Variants in ABTB3 observed in about 807,000 individuals in gnomAD.
ABTB3 encodes ankyrin repeat and BTB domain containing 3.
At chr12:107,487,588 T>C in the ABTB3 span, among the ~76,000 whole-genome samples, 1 of 152,088 alleles carries the variant, frequency 6.6e-6, no homozygotes, top group Non-Finnish European at 1.5e-5. Flanking sequence ...TGATTCCACT[T>C]AAGGAGGAGT....
the ABTB3 span, among the ~76,000 whole-genome samples, chr12:107,623,952 A>G: frequency 6.6e-6 from 1 of 152,188 alleles, no homozygotes; most frequent in African/African-American, 2.4e-5. Context: ...TGGCATTTGA[A>G]AAACCACCTA....
At chr12:107,388,169 A>G in the ABTB3 span, among the ~76,000 whole-genome samples, 1 of 151,638 alleles carries the variant, frequency 6.6e-6, no homozygotes, top group East Asian at 1.9e-4. Flanking sequence ...ACGATGTTTC[A>G]CCATGTTGCC....
chr12:107,382,680 T>A, the ABTB3 span, among the ~76,000 whole-genome samples: 144 of 151,922 alleles, frequency 9.5e-4, 1 homozygote, highest in African/African-American at 3.3e-3. Flanking sequence ...AAACACTGCA[T>A]GTCCTCACTC....
chr12:107,332,423 C>T, the ABTB3 span, among the ~76,000 whole-genome samples: 8 of 151,984 alleles, frequency 5.3e-5, no homozygotes, highest in African/African-American at 1.4e-4. Context: ...GATGAGGACA[C>T]CTGGGAGAGA....
the ABTB3 span, chr12:107,649,127 C>A: frequency 7.6e-7 from 1 of 1,318,242 alleles, no homozygotes; most frequent in Non-Finnish European, 1.1e-6. Flanking sequence ...AGGAACTAAG[C>A]CTGAGTTGGG....
At chr12:107,646,057 C>A in the ABTB3 span, among the ~76,000 whole-genome samples, 30 of 152,354 alleles carry the variant, frequency 2.0e-4, no homozygotes, top group African/African-American at 6.3e-4. Flanking sequence ...CGGGTCTCCT[C>A]CCCCAAGTCT....
the ABTB3 span, among the ~76,000 whole-genome samples, chr12:107,593,464 G>A: frequency 3.3e-5 from 5 of 152,188 alleles, no homozygotes; most frequent in African/African-American, 1.2e-4. Context: ...TTATGAAGAA[G>A]GCCATCAGTT....
chr12:107,571,170 C>T, the ABTB3 span, among the ~76,000 whole-genome samples: 2 of 152,212 alleles, frequency 1.3e-5, no homozygotes, highest in African/African-American at 4.8e-5. Flanking sequence ...TGAGCATTTA[C>T]TATGTGCTAA....
chr12:107,336,489 G>A, the ABTB3 span, among the ~76,000 whole-genome samples: 2 of 152,264 alleles, frequency 1.3e-5, no homozygotes, highest in South Asian at 4.1e-4. Flanking sequence ...TCCCTTGTAA[G>A]CATGGTAACC....
chr12:107,426,500 C>T, the ABTB3 span, among the ~76,000 whole-genome samples: 1 of 152,100 alleles, frequency 6.6e-6, no homozygotes, highest in Non-Finnish European at 1.5e-5. Context: ...TTCCTGCTCA[C>T]TCAACCCGAC....
the ABTB3 span, among the ~76,000 whole-genome samples, chr12:107,473,357 C>A: frequency 6.6e-6 from 1 of 152,032 alleles, no homozygotes; most frequent in Non-Finnish European, 1.5e-5. Context: ...ATTCATTTCA[C>A]CTACTTTTTT....
chr12:107,502,910 A>C, the ABTB3 span, among the ~76,000 whole-genome samples: 2 of 152,230 alleles, frequency 1.3e-5, no homozygotes, highest in Non-Finnish European at 2.9e-5. Flanking sequence ...CCCTGTTGCT[A>C]AAAAGGCTGG....
chr12:107,501,310 C>T, the ABTB3 span, among the ~76,000 whole-genome samples: 929 of 151,986 alleles, frequency 6.1e-3, 8 homozygotes, highest in African/African-American at 0.021. Flanking sequence ...GGTAGGGATC[C>T]CAACCATTTG....
At chr12:107,516,856 T>C in the ABTB3 span, among the ~76,000 whole-genome samples, 2 of 152,256 alleles carry the variant, frequency 1.3e-5, no homozygotes, top group African/African-American at 4.8e-5. Flanking sequence ...CACTTGTCTA[T>C]TGACACTATT....
the ABTB3 span, among the ~76,000 whole-genome samples, chr12:107,351,442 T>C: frequency 6.6e-6 from 1 of 152,236 alleles, no homozygotes; most frequent in Non-Finnish European, 1.5e-5. Context: ...GATGGAGGAA[T>C]GGCCTGGCTT....
the ABTB3 span, among the ~76,000 whole-genome samples, chr12:107,612,352 G>C: frequency 9.2e-5 from 14 of 152,336 alleles, no homozygotes; most frequent in African/African-American, 2.9e-4. Flanking sequence ...CTGACCAGCA[G>C]CTTTTATAGA....
chr12:107,608,978 A>AAT, the ABTB3 span, among the ~76,000 whole-genome samples: 430 of 115,900 alleles, frequency 3.7e-3, 2 homozygotes, highest in African/African-American at 6.0e-3. Context: ...TATAAAATAA[A>AAT]ATAAAATAAA....
the ABTB3 span, chr12:107,657,766 C>A: frequency 1.9e-6 from 3 of 1,587,354 alleles, no homozygotes; most frequent in Admixed American, 1.7e-5. Context: ...AGTTCTCCTG[C>A]CGCATTGGCT....
the ABTB3 span, among the ~76,000 whole-genome samples, chr12:107,464,206 A>AGTGTGTGTGT: frequency 7.5e-6 from 1 of 133,536 alleles, no homozygotes; most frequent in Non-Finnish European, 1.6e-5. Context: ...ACATGTGAAG[A>AGTGTGTGTGT]GTGTGTGTGT....
Sources: allele counts gnomAD v4.1 joint callset (sites outside exome capture counted in the v4.1 genomes callset), GRCh38; gene constraint gnomAD v4.1.1; transcripts MANE v1.5; gene names NCBI Gene and HGNC (gene_info 2026-07-23, HGNC 2026-07-21).